The following CDH4 variants were observed in gnomAD, a reference collection of about 807,000 sequenced individuals.
CDH4 encodes the protein cadherin 4, also known as cadherin-4.
A neutral mutation model predicts 86.0 loss-of-function variants in CDH4; 33 were observed. That is an observed-to-expected ratio of 0.38 (90% CI 0.29 to 0.51). The LOEUF (loss-of-function observed/expected upper bound fraction) is 0.51. Among genes scored for constraint, CDH4 ranks in the 20% least tolerant of loss-of-function variants. CDH4 has a pLI of 0.86. For synonymous variants in CDH4, 555 were observed against 549.4 expected (o/e 1.01, Z -0.14); for missense variants, 1,114 against 1,307.4 (o/e 0.85, Z 2.28).
chr20:61,767,413 C>T (rs35469546), intron 3 of CDH4, among the ~76,000 whole-genome samples: 10,965 of 152,252 alleles, frequency 0.072, 455 homozygotes, highest in Middle Eastern at 0.088. Context: ...GTAGCAGGTC[C>T]GGGGTGGCAC....
chr20:61,934,000 A>AC lies in CDH4; in HGVS notation c.2380-56_2380-55insC, dbSNP rs1555863088. The AC allele has an allele frequency of 5.9e-5, 94 of 1,590,822 alleles. 1 individual carries two copies. The South Asian group carries it at 9.9e-4, about 17-fold the overall frequency. On this transcript the variant is annotated intron_variant, in intron 14 of 15. Transcript: ENST00000614565. ...GTGACAGAAAAGGATGCAGGGTGGA[A>AC]GGGGGGCTGGCGGATTCTTCTGATG...
chr20:61,409,615 C>G (rs547672695), intron 2 of CDH4, among the ~76,000 whole-genome samples: 4 of 152,186 alleles, frequency 2.6e-5, no homozygotes, highest in African/African-American at 9.7e-5. Flanking sequence ...GTAAGGACCC[C>G]GATGCATGTC....
chr20:61,619,838 C>T (rs915906818), intron 2 of CDH4, among the ~76,000 whole-genome samples: 1 of 152,254 alleles, frequency 6.6e-6, no homozygotes, highest in African/African-American at 2.4e-5. Context: ...TCAGAGTTTG[C>T]AGCAAGAGGG....
chr20:61,652,938 A>ATTTATTTATTTTT (rs1555819716), intron 2 of CDH4, among the ~76,000 whole-genome samples: 1 of 97,428 alleles, frequency 1.0e-5, no homozygotes, highest in African/African-American at 3.4e-5. Context: ...TTATTTATTT[A>ATTTATTTATTTTT]TTTTTTTTTT....
intron 4 of CDH4, among the ~76,000 whole-genome samples, chr20:61,787,623 A>C (rs1419697852): frequency 2.0e-5 from 3 of 152,240 alleles, no homozygotes; most frequent in Non-Finnish European, 2.9e-5. Context: ...AACAGGGAAC[A>C]GATGGAACAG....
intron 3 of CDH4, among the ~76,000 whole-genome samples, chr20:61,770,641 T>C (rs1249557616): frequency 6.6e-6 from 1 of 152,140 alleles, no homozygotes; most frequent in Non-Finnish European, 1.5e-5. Context: ...CCCAGCACTT[T>C]GGGAGGCTGA....
At chr20:61,574,469 G>A (rs980464790) in intron 2 of CDH4, among the ~76,000 whole-genome samples, 4 of 152,190 alleles carry the variant, frequency 2.6e-5, no homozygotes, top group African/African-American at 9.6e-5. Context: ...CAGTTCACAC[G>A]TACAGATTCA....
chr20:61,711,012 C>T (rs1355434262), intron 2 of CDH4, among the ~76,000 whole-genome samples: 1 of 152,122 alleles, frequency 6.6e-6, no homozygotes, highest in Non-Finnish European at 1.5e-5. Flanking sequence ...GTGACCCCAC[C>T]CAAAATCTCA....
chr20:61,677,899 A>T (rs1486075303), intron 2 of CDH4, among the ~76,000 whole-genome samples: 1 of 151,948 alleles, frequency 6.6e-6, no homozygotes, highest in South Asian at 2.1e-4. Context: ...GATGGATGAT[A>T]AATGATAGGT....
intron 2 of CDH4, among the ~76,000 whole-genome samples, chr20:61,519,744 C>T (rs536764353): frequency 9.2e-5 from 14 of 152,346 alleles, no homozygotes; most frequent in South Asian, 4.1e-4. Context: ...GGGCGCAGGA[C>T]GCCAGTGTGT....
chr20:61,444,803 ATGTG>A (rs1379712142), intron 2 of CDH4, among the ~76,000 whole-genome samples: 6 of 136,734 alleles, frequency 4.4e-5, no homozygotes, highest in South Asian at 2.4e-4. Flanking sequence ...ATCCGTATGT[ATGTG>A]TATCTTTGTG....
intron 2 of CDH4, among the ~76,000 whole-genome samples, chr20:61,363,106 G>A (rs140610381): frequency 2.6e-4 from 40 of 152,240 alleles, no homozygotes; most frequent in African/African-American, 7.2e-4. Context: ...TGCTGCATCC[G>A]TGCCTTAGAA....
chr20:61,661,088 G>GGGA (rs1555821305), intron 2 of CDH4, among the ~76,000 whole-genome samples: 1 of 144,662 alleles, frequency 6.9e-6, no homozygotes, highest in Non-Finnish European at 1.5e-5. Context: ...GCATGGCGGG[G>GGGA]GGGGGGGAGA....
rs984759558 is a variant in CDH4 at position 61,600,650 on chromosome 20, G to C, written c.170-142913G>C. ...GATTCATTCCAGGCCCGCCCCCAGG[G>C]GTATTAAAATCCGAGGATCCTTAAG... On this transcript the variant is annotated intron_variant, in intron 2 of 15. Coordinates refer to ENST00000614565, the MANE Select transcript of CDH4 (RefSeq NM_001794.5). 2.0e-5 allele frequency among the ~76,000 whole-genome samples: 3 copies of C among 152,136 alleles called. No homozygotes were observed. The South Asian group carries it at 6.2e-4, about 32-fold the overall frequency.
chr20:61,448,587 T>C (rs970412228), intron 2 of CDH4, among the ~76,000 whole-genome samples: 2 of 152,218 alleles, frequency 1.3e-5, no homozygotes, highest in African/African-American at 4.8e-5. Flanking sequence ...AAGCGGACTC[T>C]GATTTAGTCG....
At chr20:61,322,820 G>A (rs1474119940) in intron 2 of CDH4, among the ~76,000 whole-genome samples, 1 of 152,206 alleles carries the variant, frequency 6.6e-6, no homozygotes, top group Non-Finnish European at 1.5e-5. Flanking sequence ...GTTCCCAGTG[G>A]ACTTGTGCAG....
At chr20:61,704,751 A>T (rs2087811743) in intron 2 of CDH4, among the ~76,000 whole-genome samples, 1 of 152,162 alleles carries the variant, frequency 6.6e-6, no homozygotes, top group Non-Finnish European at 1.5e-5. Flanking sequence ...CATGGTCATC[A>T]TCATGGGCAT....
intron 4 of CDH4, among the ~76,000 whole-genome samples, chr20:61,823,607 A>G (rs6061844): frequency 0.017 from 2,578 of 152,296 alleles, 66 homozygotes; most frequent in African/African-American, 0.058. Context: ...AAGATACACT[A>G]AAATGTGGCA....
In CDH4 at chr20:61,681,614, G is replaced by A. The variant is rs1041568777; in HGVS notation, c.170-61949G>A. On this transcript the variant is annotated intron_variant, in intron 2 of 15. Transcript: ENST00000614565. This position sits in a 1 kb window ranked among gnomAD's most constrained non-coding sequence, Gnocchi z 4.5. ...CATCTAGCAGCTGGGAGGAGTCTCA[G>A]GATCCCCCTGCAGGAAGCCCGGAAT... Among the ~76,000 whole-genome samples the A allele has an allele frequency of 1.3e-5, 2 of 152,200 alleles. No individual in the cohort carries two copies. Among genetic ancestry groups the A allele is most frequent in the African/African-American group, 4.8e-5 (2 of 41,458 alleles).
Sources: allele counts gnomAD v4.1 joint callset (sites outside exome capture counted in the v4.1 genomes callset), GRCh38; gene constraint gnomAD v4.1.1; non-coding constraint Gnocchi (gnomAD v3.1); transcripts MANE v1.5; gene names NCBI Gene and HGNC (gene_info 2026-07-23, HGNC 2026-07-21).